Variants in SHLD1 observed in about 807,000 individuals in gnomAD.
SHLD1 encodes shieldin complex subunit 1.
In SHLD1, 3 loss-of-function variants were observed where a neutral mutation model predicts 5.5. That is an observed-to-expected ratio of 0.54 (90% CI 0.25 to 1.40). The LOEUF (loss-of-function observed/expected upper bound fraction) is 1.40. SHLD1 is among the 40% of genes most tolerant of loss of function. The pLI is 0.15. For synonymous variants in SHLD1, 92 were observed against 94.3 expected, an observed-to-expected ratio of 0.98 and a Z score of 0.14; for missense variants, 210 against 244.4, an observed-to-expected ratio of 0.86 and a Z score of 0.94.
chr20:5,800,010 T>C (rs1955745439), intron 2 of SHLD1, among the ~76,000 whole-genome samples: 1 of 39,792 alleles, frequency 2.5e-5, no homozygotes. Context: ...AGAGCAGTGG[T>C]TCTCAAAGTG....
chr20:5,835,121 G>C (rs991665875), intron 2 of SHLD1, among the ~76,000 whole-genome samples: 22 of 152,122 alleles, frequency 1.4e-4, no homozygotes, highest in Admixed American at 1.4e-3. Context: ...TGAGAACATA[G>C]GTGGTATTCT....
chr20:5,766,882 G>C (rs1163657994), intron 1 of SHLD1, among the ~76,000 whole-genome samples: 1 of 152,132 alleles, frequency 6.6e-6, no homozygotes, highest in Non-Finnish European at 1.5e-5. Context: ...TAGGATTACA[G>C]GCTTGAGCCA....
intron 2 of SHLD1, among the ~76,000 whole-genome samples, chr20:5,797,760 C>A (rs6085278): frequency 0.34 from 52,309 of 151,990 alleles, 9,406 homozygotes; most frequent in East Asian, 0.65. Context: ...GCCTTTGCTA[C>A]TCATGAACAT....
intron 2 of SHLD1, among the ~76,000 whole-genome samples, chr20:5,859,366 G>T (rs192938401): frequency 6.6e-6 from 1 of 152,220 alleles, no homozygotes; most frequent in East Asian, 1.9e-4. Flanking sequence ...TTACATCCTT[G>T]ACCCCACTCA....
intron 1 of SHLD1, among the ~76,000 whole-genome samples, chr20:5,768,094 C>T (rs543113525): frequency 6.6e-6 from 1 of 151,606 alleles, no homozygotes; most frequent in South Asian, 2.1e-4. Context: ...TGGGCCTCAA[C>T]CTCCCAAGTA....
chr20:5,754,919 G>T (rs1225367654), intron 1 of SHLD1, among the ~76,000 whole-genome samples: 7 of 152,122 alleles, frequency 4.6e-5, no homozygotes, highest in African/African-American at 1.4e-4. Context: ...ACCTGGGCGT[G>T]GTGGCACATG....
At chr20:5,800,508 A>G (rs969662208) in intron 2 of SHLD1, among the ~76,000 whole-genome samples, 1 of 152,316 alleles carries the variant, frequency 6.6e-6, no homozygotes, top group Non-Finnish European at 1.5e-5. Context: ...AGCCTGGCCA[A>G]CATGATGAAA....
chr20:5,819,926 T>C (rs1294707), intron 2 of SHLD1, among the ~76,000 whole-genome samples: 32,255 of 152,168 alleles, frequency 0.21, 3,995 homozygotes, highest in Non-Finnish European at 0.27. Context: ...TAATGAGGAC[T>C]TGACAGTGTT....
At chr20:5,803,008 G>A (rs751715463) in intron 2 of SHLD1, among the ~76,000 whole-genome samples, 4 of 152,072 alleles carry the variant, frequency 2.6e-5, no homozygotes, top group Admixed American at 6.5e-5. Context: ...TACCAGTCCC[G>A]GCCTTCCCTT....
At chr20:5,765,687 G>T (rs941965801) in intron 1 of SHLD1, among the ~76,000 whole-genome samples, 3 of 149,918 alleles carry the variant, frequency 2.0e-5, no homozygotes, top group African/African-American at 7.4e-5. Context: ...CACAGGAAGG[G>T]TTTAATCTGC....
chr20:5,826,452 A>G (rs1418945946), intron 2 of SHLD1, among the ~76,000 whole-genome samples: 5 of 152,130 alleles, frequency 3.3e-5, no homozygotes, highest in Non-Finnish European at 7.4e-5. Context: ...TGTCAAAAAA[A>G]AAAAAAAGAA....
At chr20:5,789,371 GT>G (rs780574896) in intron 2 of SHLD1, among the ~76,000 whole-genome samples, 284 of 152,084 alleles carry the variant, frequency 1.9e-3, no homozygotes, top group Non-Finnish European at 3.3e-3. Flanking sequence ...AAGGTCAAGA[GT>G]TTGAGACCAG....
Sources: gnomAD v4.1 joint callset for allele counts (sites outside exome capture counted in the v4.1 genomes callset) on GRCh38, gnomAD v4.1.1 for gene constraint, MANE v1.5 for transcripts, NCBI Gene and HGNC (gene_info 2026-07-23, HGNC 2026-07-21) for gene names.